CTNNA3: variants seen among roughly 807,000 people sequenced by gnomAD.
The protein encoded by CTNNA3 is catenin alpha-3.
CTNNA3 carries 76 observed loss-of-function variants against 95.7 expected under a neutral mutation model. That is an observed-to-expected ratio of 0.79 (90% CI 0.66 to 0.96). The LOEUF (loss-of-function observed/expected upper bound fraction) is 0.96. Ranked by LOEUF, CTNNA3 falls within the 40% of genes least tolerant of loss-of-function variation. CTNNA3 has a pLI of 0.00. For missense variants in CTNNA3, 1,191 were observed against 1,089.8 expected, an observed-to-expected ratio of 1.09 and a Z score of -1.31; for synonymous variants, 431 against 374.4, an observed-to-expected ratio of 1.15 and a Z score of -1.74.
At chr10:66,434,755 C>T (rs1278258943) in intron 11 of CTNNA3, among the ~76,000 whole-genome samples, 1 of 152,176 alleles carries the variant, frequency 6.6e-6, no homozygotes, top group Non-Finnish European at 1.5e-5. Flanking sequence ...AGCTTTTACC[C>T]ATTCAGTATA....
At chr10:66,578,309 TC>T (rs1489534732) in intron 10 of CTNNA3, among the ~76,000 whole-genome samples, 1 of 151,958 alleles carries the variant, frequency 6.6e-6, no homozygotes, top group Non-Finnish European at 1.5e-5. Context: ...GCCTTTTATT[TC>T]TTTGTCTTAC....
intron 12 of CTNNA3, among the ~76,000 whole-genome samples, chr10:66,353,664 C>G (rs981593814): frequency 1.3e-5 from 2 of 151,820 alleles, no homozygotes; most frequent in African/African-American, 4.8e-5. Flanking sequence ...GGGGAGCAAC[C>G]AAGCAAAAGT....
chr10:66,210,714 G>A (rs1253470244), intron 13 of CTNNA3, among the ~76,000 whole-genome samples: 1 of 152,122 alleles, frequency 6.6e-6, no homozygotes, highest in East Asian at 1.9e-4. Context: ...ATCAGTGTAT[G>A]CTAAAATATA....
At chr10:67,708,792 T>A (rs972473470) in intron 1 of CTNNA3, among the ~76,000 whole-genome samples, 1 of 152,136 alleles carries the variant, frequency 6.6e-6, no homozygotes, top group Admixed American at 6.6e-5. Flanking sequence ...GTTTTATTGT[T>A]TCTTAAAGAG....
chr10:66,587,095 A>G (rs1843384225), intron 10 of CTNNA3, among the ~76,000 whole-genome samples: 1 of 152,110 alleles, frequency 6.6e-6, no homozygotes, highest in Non-Finnish European at 1.5e-5. Context: ...GGGGAGTGAC[A>G]CAGACTCTGA....
intron 7 of CTNNA3, among the ~76,000 whole-genome samples, chr10:67,118,302 A>G (rs1417601722): frequency 6.6e-6 from 1 of 151,976 alleles, no homozygotes; most frequent in Non-Finnish European, 1.5e-5. Context: ...CTGGTGTCTT[A>G]GCTGGTGATT....
chr10:67,224,814 C>A (rs150658680), intron 5 of CTNNA3, among the ~76,000 whole-genome samples: 3 of 152,226 alleles, frequency 2.0e-5, no homozygotes, highest in Non-Finnish European at 4.4e-5. Flanking sequence ...GGAAGCACCA[C>A]AGGGAGAAGG....
intron 5 of CTNNA3, among the ~76,000 whole-genome samples, chr10:67,231,657 A>G (rs1278175364): frequency 2.0e-5 from 3 of 148,568 alleles, no homozygotes; most frequent in Admixed American, 1.4e-4. Context: ...CACCAGCAAC[A>G]GAACAAAGCT....
chr10:67,177,666 T>C (rs1381409449), intron 7 of CTNNA3, among the ~76,000 whole-genome samples: 1 of 152,174 alleles, frequency 6.6e-6, no homozygotes, highest in Admixed American at 6.5e-5. Flanking sequence ...GTTCAGCTAG[T>C]TCCAGAAAAA....
rs562805313 is a variant in CTNNA3 at position 66,225,085 on chromosome 10, C to T, written c.1884+55385G>A. The stretch of plus-strand genomic sequence containing the variant: ...CTAGCTATTTGAAAATATACATTGA[C>T]TTATTCTTAACTATAGTCACCCCAC... On this transcript the variant is annotated intron_variant, in intron 13 of 17. Transcript: ENST00000433211. Among the ~76,000 whole-genome samples, 4 of 151,974 alleles carry T rather than the reference C, an allele frequency of 2.6e-5. No homozygotes were observed. The East Asian group carries it at 7.8e-4, about 30-fold the overall frequency.
intron 10 of CTNNA3, among the ~76,000 whole-genome samples, chr10:66,590,080 G>A (rs1589460074): frequency 6.6e-6 from 1 of 152,046 alleles, no homozygotes. Flanking sequence ...TAATTCAATG[G>A]TATTGTTTCA....
intron 9 of CTNNA3, among the ~76,000 whole-genome samples, chr10:66,747,075 A>C (rs1838912551): frequency 6.6e-6 from 1 of 152,354 alleles, no homozygotes; most frequent in Admixed American, 6.5e-5. Context: ...TGCTGGTGAA[A>C]TGTATTTTAT....
At chr10:66,967,781 A>G (rs1849517211) in intron 7 of CTNNA3, among the ~76,000 whole-genome samples, 1 of 152,120 alleles carries the variant, frequency 6.6e-6, no homozygotes, top group South Asian at 2.1e-4. Flanking sequence ...GTAGATTTAA[A>G]TTATCATTAT....
intron 7 of CTNNA3, among the ~76,000 whole-genome samples, chr10:67,145,534 G>A (rs910692658): frequency 2.0e-5 from 3 of 151,540 alleles, no homozygotes; most frequent in Non-Finnish European, 2.9e-5. Flanking sequence ...GGGTTCAAGT[G>A]ACTCTTCTGC....
intron 1 of CTNNA3, among the ~76,000 whole-genome samples, chr10:67,746,896 G>A (rs1029226610): frequency 9.2e-5 from 14 of 152,168 alleles, no homozygotes; most frequent in Admixed American, 3.9e-4. Context: ...GCGGGAGAAG[G>A]GCAGCAGCTA....
chr10:66,619,331 A>G (rs1041186352), intron 10 of CTNNA3, among the ~76,000 whole-genome samples: 5 of 150,222 alleles, frequency 3.3e-5, no homozygotes, highest in Non-Finnish European at 7.4e-5. Context: ...ACAACGATAG[A>G]CTGGATTAAG....
At chr10:66,932,306 C>T (rs1035202208) in intron 7 of CTNNA3, among the ~76,000 whole-genome samples, 3 of 152,146 alleles carry the variant, frequency 2.0e-5, no homozygotes, top group Non-Finnish European at 2.9e-5. Flanking sequence ...CTTCCCTTGA[C>T]ATTTACCAAA....
At chr10:66,025,905 A>G (rs781318393) in intron 15 of CTNNA3, among the ~76,000 whole-genome samples, 2 of 152,224 alleles carry the variant, frequency 1.3e-5, no homozygotes, top group Non-Finnish European at 2.9e-5. Context: ...AAATATTAGA[A>G]GCAGCACATA....
At chr10:66,164,138 A>G (rs888033409) in intron 13 of CTNNA3, among the ~76,000 whole-genome samples, 5 of 152,220 alleles carry the variant, frequency 3.3e-5, no homozygotes, top group African/African-American at 1.2e-4. Context: ...TTGTAGGGGC[A>G]GGGAAGGCAC....
Sources: allele counts gnomAD v4.1 joint callset (sites outside exome capture counted in the v4.1 genomes callset), GRCh38; gene constraint gnomAD v4.1.1; transcripts MANE v1.5; gene names NCBI Gene and HGNC (gene_info 2026-07-23, HGNC 2026-07-21).